SLC5A10: variants seen among roughly 807,000 people sequenced by gnomAD.
SLC5A10 encodes the protein solute carrier family 5 member 10.
In SLC5A10, 55 loss-of-function variants were observed where a neutral mutation model predicts 68.9. That is an observed-to-expected ratio of 0.80 (90% CI 0.64 to 1.00). The LOEUF (loss-of-function observed/expected upper bound fraction) is 1.00. Among genes scored for constraint, SLC5A10 ranks in the 50% least tolerant of loss-of-function variants. The pLI, the probability that SLC5A10 is intolerant of heterozygous loss-of-function variation, is 0.00. For missense variants in SLC5A10, 732 were observed against 819.3 expected (o/e 0.89, Z 1.30); for synonymous variants, 344 against 344.8 (o/e 1.00, Z 0.02).
intron 8 of SLC5A10, chr17:18,976,208 G>C (rs2042977131): frequency 9.0e-6 from 1 of 111,064 alleles, no homozygotes; most frequent in Non-Finnish European, 1.9e-5. Context: ...TAACTCTTTT[G>C]AAGTAGAATC....
chr17:19,004,080 G>C lies in SLC5A10; in HGVS notation c.983-9330G>C, dbSNP rs1186585557. ...CGGGCACTGCTGCCGGGGGTGGGTG[G>C]GCAAGGTCCAGCTCCTAGCTCCGGC... is the stretch of plus-strand genomic sequence containing the variant. On this transcript the variant is annotated intron_variant, in intron 9 of 14. Coordinates refer to ENST00000395645, the MANE Select transcript of SLC5A10 (RefSeq NM_001042450.4). This position sits in a 1 kb window ranked among gnomAD's most constrained non-coding sequence, Gnocchi z 5.4. The C allele has an allele frequency of 6.5e-7, 1 of 1,549,092 alleles. No homozygotes were observed. The highest frequency in any genetic ancestry group is 1.2e-5 in the South Asian group (1 of 80,678).
rs544238591 is a variant in SLC5A10, at chr17:18,956,783, C to T, written c.112-1899C>T. ...GAGCCACCACGCCTGGATGATTTAA[C>T]TTAAATTTCTCCCATCCAAATAGCA... On this transcript the variant is annotated intron_variant, in intron 1 of 14. Coordinates refer to ENST00000395645, the MANE Select transcript of SLC5A10 (RefSeq NM_001042450.4). Among the ~76,000 whole-genome samples, 15 of 152,244 alleles carry T rather than the reference C, an allele frequency of 9.9e-5. No individual in the cohort carries two copies. In the South Asian group the frequency reaches 1.0e-3, roughly 11 times the overall value.
rs367716177 is a variant in SLC5A10 at position 18,982,373 on chromosome 17, C to T, written c.982+5384C>T. On this transcript the variant is annotated intron_variant, in intron 9 of 14. Transcript: ENST00000395645. ...ACGGGGCCTGGCCTGGATGAGGTAA[C>T]GTCTCAAGACTCTGGGCTCGTGTGC... Among the ~76,000 whole-genome samples the T allele has an allele frequency of 2.5e-3, 385 of 152,340 alleles. 1 individual carries two copies. Among genetic ancestry groups the T allele is most frequent in the African/African-American group, 9.0e-3 (374 of 41,574 alleles).
At position 19,016,113 on chromosome 17, in the gene SLC5A10, T is replaced by G. The variant is rs548272894; in HGVS notation, c.1241+914T>G. Among the ~76,000 whole-genome samples, 4 of 152,052 alleles carry G rather than the reference T, an allele frequency of 2.6e-5. No homozygotes were observed. In the East Asian group the frequency reaches 7.7e-4, roughly 29 times the overall value. On this transcript the variant is annotated intron_variant, in intron 11 of 14. Transcript: ENST00000395645. ...CAGGCTGGAGTGCAGTGGTATGATC[T>G]TGGCTCCCTGCGACCTCCACCTCCC...
Position 19,015,207 on chromosome 17 carries a change from G to T in SLC5A10, c.1241+8G>T. 1 of 1,438,112 alleles carries T rather than the reference G, an allele frequency of 7.0e-7. No homozygotes were observed. The allele number at this position is 1,438,112 out of a possible 1,614,324, so 89.1% of individuals were successfully genotyped here. On this transcript the variant is annotated splice_region_variant and intron_variant, in intron 11 of 14. Coordinates refer to ENST00000395645, the MANE Select transcript of SLC5A10 (RefSeq NM_001042450.4). Reference sequence around the variant, plus strand: ...GCTCCTGCTGGTGGGACGGTACGGGGGTGGGGGCCAGTACGGGGGTGGGGG... The same window carrying T: ...GCTCCTGCTGGTGGGACGGTACGGGTGTGGGGGCCAGTACGGGGGTGGGGG...
intron 1 of SLC5A10, among the ~76,000 whole-genome samples, chr17:18,956,609 T>C (rs960701538): frequency 6.6e-6 from 1 of 151,952 alleles, no homozygotes; most frequent in Non-Finnish European, 1.5e-5. Context: ...CTAGAGTAGC[T>C]GGGATTACAA....
chr17:18,994,337 G>A (rs2043507870), intron 9 of SLC5A10, among the ~76,000 whole-genome samples: 5 of 152,292 alleles, frequency 3.3e-5, no homozygotes, highest in Admixed American at 3.3e-4. Flanking sequence ...CACAGGGAGG[G>A]GCGCCCCCGT....
At chr17:18,979,359 G>T in intron 9 of SLC5A10, 2 of 713,546 alleles carry the variant, frequency 2.8e-6, no homozygotes, top group Non-Finnish European at 4.5e-6. Context: ...GAACAACAGC[G>T]TCCTCAGACA....
chr17:19,015,197 A>ATGGTACGGGGGTGGGGGC lies in SLC5A10; in HGVS notation c.1239_1240insTGGTACGGGGGTGGGGGC (p.Gly413_Arg414insTrpTyrGlyGlyGlyGly), dbSNP rs1555580917. The ATGGTACGGGGGTGGGGGC allele has an allele frequency of 2.4e-5, 22 of 908,234 alleles. No individual in the cohort carries two copies. The highest frequency in any genetic ancestry group is 3.4e-5 in the Non-Finnish European group (20 of 594,310). 56.3% of individuals were successfully genotyped at this position (908,234 alleles called of 1,614,324 possible). ...GCGAGCGGGAGCTCCTGCTGGTGGGACGGTACGGGGGTGGGGGCCAGTACG... is the reference window on the plus strand; with the variant it reads ...GCGAGCGGGAGCTCCTGCTGGTGGGATGGTACGGGGGTGGGGGCCGGTACGGGGGTGGGGGCCAGTACG... On this transcript the variant is annotated inframe_insertion and splice_region_variant, in exon 11 of 15. Transcript: ENST00000395645.
At chr17:18,963,377 C>T (rs183223821) in intron 5 of SLC5A10, among the ~76,000 whole-genome samples, 43 of 152,334 alleles carry the variant, frequency 2.8e-4, no homozygotes, top group African/African-American at 9.9e-4. Context: ...GCAGCCAGGA[C>T]GTGGCCTTTC....
Position 19,002,446 on chromosome 17 carries a change from C to T in SLC5A10, c.983-10964C>T, listed in dbSNP as rs575044221. Reference sequence around the variant, plus strand: ...CCCACGAACTTCCCCAAGGCCCTGTCAGTTAGCCAGGATGGTCCCCGAAGC... The same window carrying T: ...CCCACGAACTTCCCCAAGGCCCTGTTAGTTAGCCAGGATGGTCCCCGAAGC... On this transcript the variant is annotated intron_variant, in intron 9 of 14. Coordinates refer to ENST00000395645, the MANE Select transcript of SLC5A10 (RefSeq NM_001042450.4). Among the ~76,000 whole-genome samples, 55 of 152,318 alleles carry T rather than the reference C, an allele frequency of 3.6e-4. 1 individual carries two copies. Among genetic ancestry groups the T allele is most frequent in the Non-Finnish European group, 6.6e-4 (45 of 68,026 alleles).
In SLC5A10 at chr17:19,003,541, C is replaced by T. The variant is rs2043787913; in HGVS notation, c.983-9869C>T. ...TCACCTTCTGTGCCTGGCTGATCAT[C>T]TTCCGCACCACCTCTTTGATGTGGG... On this transcript the variant is annotated intron_variant, in intron 9 of 14. Transcript: ENST00000395645. This position sits in a 1 kb window ranked among gnomAD's most constrained non-coding sequence, Gnocchi z 4.5. 1 of 1,546,146 alleles carries T rather than the reference C, an allele frequency of 6.5e-7. No individual in the cohort carries two copies.
rs370872713 is a variant in SLC5A10, at chr17:18,990,569, C to T, written c.982+13580C>T. Reference sequence around the variant, plus strand: ...CTGGGCTTGGGCTGGGGGACGTGCCCCAGCAGGACCCGCACCATGTGCGCC... The same window carrying T: ...CTGGGCTTGGGCTGGGGGACGTGCCTCAGCAGGACCCGCACCATGTGCGCC... On this transcript the variant is annotated intron_variant, in intron 9 of 14. Coordinates refer to ENST00000395645, the MANE Select transcript of SLC5A10 (RefSeq NM_001042450.4). Among the ~76,000 whole-genome samples the T allele has an allele frequency of 1.8e-4, 27 of 152,274 alleles. No individual in the cohort carries two copies. In the East Asian group the frequency reaches 2.9e-3, roughly 16 times the overall value.
chr17:19,020,060 C>T lies in SLC5A10; in HGVS notation c.1627-95C>T, dbSNP rs558309058. The T allele has an allele frequency of 2.2e-5, 32 of 1,451,222 alleles. No homozygotes were observed. The African/African-American group carries it at 3.7e-4, about 17-fold the overall frequency. The allele number at this position is 1,451,222 out of a possible 1,614,324, so 89.9% of individuals were successfully genotyped here. A position where few individuals can be genotyped will look rare whatever the true frequency, so the allele number is the denominator to read the frequency against. On this transcript the variant is annotated intron_variant, in intron 13 of 14. Coordinates refer to ENST00000395645, the MANE Select transcript of SLC5A10 (RefSeq NM_001042450.4). ...TAGCCCCGTCCCTTTTTGAACTCAG[C>T]TGCCATCTTGCCATCCCCAACCTTT...
At position 18,996,136 on chromosome 17, in the gene SLC5A10, G is replaced by GA. The variant is rs529997491; in HGVS notation, c.983-17261dup. Reference sequence around the variant, plus strand: ...GGCAATATCTTTAAAGTACTAAATGGAAAAAAAAAAAAATCAACTTAGAAT... The same window carrying GA: ...GGCAATATCTTTAAAGTACTAAATGGAAAAAAAAAAAAAATCAACTTAGAAT... On this transcript the variant is annotated intron_variant, in intron 9 of 14. Transcript: ENST00000395645. This position sits in a 1 kb window ranked among gnomAD's most constrained non-coding sequence, Gnocchi z 4.4. Among the ~76,000 whole-genome samples the GA allele has an allele frequency of 0.13, 17,610 of 137,538 alleles. 1,115 individuals carry two copies. The highest frequency in any genetic ancestry group is 0.26 in the East Asian group (1,258 of 4,880). The allele number at this position is 137,538 out of a possible 152,430, so 90.2% of individuals were successfully genotyped here.
At chr17:19,009,669 C>G (rs2043973059) in intron 9 of SLC5A10, among the ~76,000 whole-genome samples, 1 of 152,140 alleles carries the variant, frequency 6.6e-6, no homozygotes, top group Non-Finnish European at 1.5e-5. Flanking sequence ...GTCCAGTGAC[C>G]TCCTTGGGAG....
chr17:19,002,544 G>GCT (rs1465832067), intron 9 of SLC5A10, among the ~76,000 whole-genome samples: 2 of 152,206 alleles, frequency 1.3e-5, no homozygotes, highest in Non-Finnish European at 2.9e-5. Flanking sequence ...ACCCAGCTAG[G>GCT]AACACCTCAT....
At chr17:19,019,979 G>C in intron 13 of SLC5A10, 51 bp downstream of exon 13, 1 of 1,527,728 alleles carries the variant, frequency 6.5e-7, no homozygotes. Flanking sequence ...TCTTACTCTG[G>C]TCCCATTCTC....
intron 5 of SLC5A10, among the ~76,000 whole-genome samples, chr17:18,965,653 A>G (rs1008504769): frequency 3.9e-5 from 6 of 152,192 alleles, no homozygotes; most frequent in Non-Finnish European, 8.8e-5. Flanking sequence ...CCCACGCTGC[A>G]CCACAGGGCC....
Sources: allele counts gnomAD v4.1 joint callset (sites outside exome capture counted in the v4.1 genomes callset), GRCh38; gene constraint gnomAD v4.1.1; non-coding constraint Gnocchi (gnomAD v3.1); transcripts MANE v1.5; gene names NCBI Gene and HGNC (gene_info 2026-07-23, HGNC 2026-07-21).